The following ANKRD18A variants were observed in gnomAD, a reference collection of about 807,000 sequenced individuals.
ANKRD18A encodes the protein ankyrin repeat domain-containing protein 18A.
In ANKRD18A, 72 loss-of-function variants were observed where a neutral mutation model predicts 110.6. The observed-to-expected ratio is 0.65, with a 90% CI of 0.54 to 0.79. The LOEUF is 0.79. Among genes scored for constraint, ANKRD18A ranks in the 30% least tolerant of loss-of-function variants. The pLI is 0.00. For synonymous variants in ANKRD18A, 305 were observed against 410.3 expected (o/e 0.74, Z 3.10); for missense variants, 934 against 1,163.3 (o/e 0.80, Z 2.87).
At chr9:38,594,461 A>C (rs1290819908) in intron 9 of ANKRD18A, among the ~76,000 whole-genome samples, 2 of 152,192 alleles carry the variant, frequency 1.3e-5, no homozygotes, top group Non-Finnish European at 2.9e-5. Flanking sequence ...TGAGACTTAA[A>C]ATGTAAATTA....
intron 12 of ANKRD18A, among the ~76,000 whole-genome samples, chr9:38,579,296 G>T (rs1285848853): frequency 2.6e-5 from 4 of 152,172 alleles, no homozygotes; most frequent in African/African-American, 9.7e-5. Context: ...ATTTGTATAG[G>T]TAAGACATCA....
At position 38,603,300 on chromosome 9, in the gene ANKRD18A, A is replaced by C. The variant is rs1825210771; in HGVS notation, c.809-88T>G. On this transcript the variant is annotated intron_variant, in intron 6 of 15. Transcript: ENST00000399703. Reference sequence around the variant, plus strand: ...CCTGGCAAAGTTTCACTTACTCTGCATGCTTACCCTAAATCCTACCCATCT... The same window carrying C: ...CCTGGCAAAGTTTCACTTACTCTGCCTGCTTACCCTAAATCCTACCCATCT... 3.3e-6 allele frequency: 5 copies of C among 1,520,824 alleles called. No individual in the cohort carries two copies. In the South Asian group the frequency reaches 3.7e-5, roughly 11 times the overall value. 94.2% of individuals were successfully genotyped at this position (1,520,824 alleles called of 1,614,324 possible). A position where few individuals can be genotyped will look rare whatever the true frequency, so the allele number is the denominator to read the frequency against.
At chr9:38,576,169 A>G (rs1823886995) in intron 14 of ANKRD18A, among the ~76,000 whole-genome samples, 1 of 152,250 alleles carries the variant, frequency 6.6e-6, no homozygotes, top group Non-Finnish European at 1.5e-5. Flanking sequence ...TAAGAAAACT[A>G]AAATGAACAA....
chr9:38,582,603 T>G (rs185783396), intron 12 of ANKRD18A, among the ~76,000 whole-genome samples: 248 of 152,336 alleles, frequency 1.6e-3, no homozygotes, highest in African/African-American at 5.7e-3. Context: ...AAAATAGTCT[T>G]TTCAATAAAT....
intron 14 of ANKRD18A, among the ~76,000 whole-genome samples, chr9:38,576,574 T>C (rs1823904899): frequency 6.6e-6 from 1 of 152,236 alleles, no homozygotes; most frequent in Non-Finnish European, 1.5e-5. Context: ...AGGCACCCTC[T>C]AGTGATAATA....
At chr9:38,589,441 T>C (rs574400935) in intron 10 of ANKRD18A, among the ~76,000 whole-genome samples, 1 of 152,376 alleles carries the variant, frequency 6.6e-6, no homozygotes, top group East Asian at 1.9e-4. Context: ...TCCTAAGTTA[T>C]GAACCTGTCA....
chr9:38,596,080 T>A lies in ANKRD18A; in HGVS notation c.1260A>T (p.Glu420Asp). Reference protein sequence around the residue: ...HNKERLEAEVESLHSSLATAI... With the variant: ...HNKERLEAEVDSLHSSLATAI... Reference sequence around the variant, plus strand: ...CAGTGGCCAGGCTAGAATGGAGGGATTCAACTTCAGCTTCTAGTCTTTCTT... The same window carrying A: ...CAGTGGCCAGGCTAGAATGGAGGGAATCAACTTCAGCTTCTAGTCTTTCTT... The change falls in exon 9 of 16, where the codon GAA becomes GAT. Residue 420 changes from glutamate to aspartate, a missense_variant. Around this residue, in one of 4 missense-constraint regions of ANKRD18A, gnomAD observed 630 missense variants for 797.5 expected, o/e 0.79. Transcript: ENST00000399703. 2 of 1,551,410 alleles carry A rather than the reference T, an allele frequency of 1.3e-6. No homozygotes were observed.
rs567049525 is a variant in ANKRD18A, at chr9:38,619,107, A to G, written c.206+973T>C. On this transcript the variant is annotated intron_variant, in intron 1 of 15. Coordinates refer to ENST00000399703, the MANE Select transcript of ANKRD18A (RefSeq NM_147195.4). ...ATTTTAATTTTTAGTTTGCTAAATC[A>G]ACTTTCAGAATGCCTGCTTGCGAGG... is the stretch of plus-strand genomic sequence containing the variant. 3.9e-5 allele frequency among the ~76,000 whole-genome samples: 6 copies of G among 152,042 alleles called. No homozygotes were observed. In the South Asian group the frequency reaches 1.0e-3, roughly 26 times the overall value.
chr9:38,610,156 C>T (rs1205499780), intron 5 of ANKRD18A, 117 bp downstream of exon 5: 4 of 1,344,802 alleles, frequency 3.0e-6, no homozygotes, highest in South Asian at 1.9e-5. Flanking sequence ...TAACTTGTTG[C>T]CATTCCAAGC....
chr9:38,572,142 A>G, intron 15 of ANKRD18A, 83 bp from the exon 16 acceptor site: 1 of 1,055,684 alleles, frequency 9.5e-7, no homozygotes, highest in South Asian at 1.5e-5. Flanking sequence ...GGAGTTGAGA[A>G]CGTTATCAGA....
Position 38,573,592 on chromosome 9 carries a change from C to T in ANKRD18A, c.2965-1533G>A, listed in dbSNP as rs192898596. ...TAGCTGGGTGTGGTGGTGCATGCCT[C>T]TAGTCCCAGCTACTCGGGAGGCTGA... On this transcript the variant is annotated intron_variant, in intron 15 of 15. Transcript: ENST00000399703. 3.9e-5 allele frequency among the ~76,000 whole-genome samples: 6 copies of T among 152,006 alleles called. No homozygotes were observed. The East Asian group carries it at 9.7e-4, about 25-fold the overall frequency.
chr9:38,585,714 GT>G (rs1469622089), intron 12 of ANKRD18A, among the ~76,000 whole-genome samples: 8 of 152,190 alleles, frequency 5.3e-5, no homozygotes, highest in Non-Finnish European at 8.8e-5. Flanking sequence ...GTATTTGTAT[GT>G]TCATTGCAGC....
At chr9:38,598,535 T>A (rs1407044121) in intron 8 of ANKRD18A, among the ~76,000 whole-genome samples, 3 of 152,164 alleles carry the variant, frequency 2.0e-5, no homozygotes, top group Non-Finnish European at 4.4e-5. Flanking sequence ...ATAGTTGAAC[T>A]TTTTTTCTTC....
chr9:38,608,172 T>C (rs184905630), intron 5 of ANKRD18A, among the ~76,000 whole-genome samples: 1 of 152,290 alleles, frequency 6.6e-6, no homozygotes, highest in Admixed American at 6.5e-5. Flanking sequence ...TTAAAACATA[T>C]ACTCTAATTT....
intron 1 of ANKRD18A, among the ~76,000 whole-genome samples, chr9:38,617,210 G>A (rs1385005018): frequency 6.6e-6 from 1 of 152,210 alleles, no homozygotes; most frequent in Non-Finnish European, 1.5e-5. Flanking sequence ...GGGAGGCCGA[G>A]GCAGGTGGAT....
chr9:38,583,616 C>T (rs1199436503), intron 12 of ANKRD18A, among the ~76,000 whole-genome samples: 2 of 152,122 alleles, frequency 1.3e-5, no homozygotes, highest in Non-Finnish European at 2.9e-5. Context: ...TCTCGAACTC[C>T]TGACCTCGTG....
At chr9:38,600,124 G>T (rs1563969249) in intron 8 of ANKRD18A, among the ~76,000 whole-genome samples, 1 of 152,086 alleles carries the variant, frequency 6.6e-6, no homozygotes, top group Non-Finnish European at 1.5e-5. Context: ...AATTTCCCTT[G>T]GCTTAATATA....
chr9:38,579,160 T>G (rs1824041700), intron 12 of ANKRD18A, among the ~76,000 whole-genome samples: 1 of 152,188 alleles, frequency 6.6e-6, no homozygotes, highest in Non-Finnish European at 1.5e-5. Flanking sequence ...TAGCTTCCTA[T>G]CTATATAGCA....
intron 3 of ANKRD18A, 130 bp downstream of exon 3, chr9:38,615,464 G>T: frequency 7.6e-7 from 1 of 1,308,128 alleles, no homozygotes; most frequent in Non-Finnish European, 1.0e-6. Context: ...AATATTTAAA[G>T]TAAAATTTTA....
Sources: allele counts gnomAD v4.1 joint callset (sites outside exome capture counted in the v4.1 genomes callset), GRCh38; gene constraint gnomAD v4.1.1; regional missense constraint gnomAD v4.1.1; transcripts MANE v1.5; gene names NCBI Gene and HGNC (gene_info 2026-07-23, HGNC 2026-07-21).